The following MMP16 variants were observed in gnomAD, a reference collection of about 807,000 sequenced individuals.
The protein encoded by MMP16 is matrix metalloproteinase-16.
A neutral mutation model predicts 67.8 loss-of-function variants in MMP16; 12 were observed. The ratio of observed to expected loss-of-function variants is 0.18; its 90% confidence interval spans 0.11 to 0.29. The LOEUF (loss-of-function observed/expected upper bound fraction) is 0.29. Ranked by LOEUF, MMP16 falls within the 10% of genes least tolerant of loss-of-function variation. The pLI is 1.00. For synonymous variants in MMP16, 249 were observed against 255.9 expected, an observed-to-expected ratio of 0.97 and a Z score of 0.26; for missense variants, 475 against 765.7, an observed-to-expected ratio of 0.62 and a Z score of 4.48.
chr8:88,077,751 CCT>C (rs1808675092), intron 6 of MMP16, among the ~76,000 whole-genome samples: 1 of 152,012 alleles, frequency 6.6e-6, no homozygotes, highest in African/African-American at 2.4e-5. Context: ...AGTTTTTTTC[CCT>C]GTTGTAGTTA....
chr8:88,171,401 A>G (rs568682867), intron 3 of MMP16, among the ~76,000 whole-genome samples: 104 of 152,322 alleles, frequency 6.8e-4, no homozygotes, highest in African/African-American at 2.3e-3. Context: ...CCTAGGTTGA[A>G]TCTGGGAAGT....
At chr8:88,101,156 C>T (rs1002081871) in intron 6 of MMP16, among the ~76,000 whole-genome samples, 1 of 151,740 alleles carries the variant, frequency 6.6e-6, no homozygotes, top group Admixed American at 6.6e-5. Flanking sequence ...AAAAAAGATT[C>T]TCATTATACA....
At chr8:88,180,433 G>A (rs1026150572) in intron 3 of MMP16, among the ~76,000 whole-genome samples, 3 of 151,888 alleles carry the variant, frequency 2.0e-5, no homozygotes, top group Non-Finnish European at 4.4e-5. Context: ...AATTAAAAGT[G>A]AAGGTATGGA....
intron 4 of MMP16, among the ~76,000 whole-genome samples, chr8:88,123,346 G>C (rs1057479293): frequency 2.0e-5 from 3 of 151,968 alleles, no homozygotes; most frequent in South Asian, 2.1e-4. Flanking sequence ...CTCTTGGTCT[G>C]AAGGAACGTC....
intron 6 of MMP16, among the ~76,000 whole-genome samples, chr8:88,108,965 T>C (rs1809288487): frequency 6.6e-6 from 1 of 151,318 alleles, no homozygotes; most frequent in African/African-American, 2.4e-5. Context: ...ATCCACTTAA[T>C]TGAGAAATGA....
chr8:88,087,696 C>A (rs948417186), intron 6 of MMP16, among the ~76,000 whole-genome samples: 1 of 151,668 alleles, frequency 6.6e-6, no homozygotes, highest in African/African-American at 2.4e-5. Context: ...GTAATTCCAG[C>A]ACTTTGGGAG....
rs1808070456 is a variant in MMP16 at position 88,037,530 on chromosome 8, G to A, written c.*3931C>T. Reference sequence around the variant, plus strand: ...TGCCCTCTGATTTATAACAGAAGTTGTCTTTGCTAGTATCACATAATGCTG... The same window carrying A: ...TGCCCTCTGATTTATAACAGAAGTTATCTTTGCTAGTATCACATAATGCTG... On this transcript the variant is annotated 3_prime_UTR_variant, in exon 10 of 10. Transcript: ENST00000286614. The A allele has an allele frequency of 6.6e-6, 1 of 151,840 alleles. No homozygotes were observed. Among genetic ancestry groups the A allele is most frequent in the African/African-American group, 2.4e-5 (1 of 41,392 alleles). The allele number at this position is 151,840 out of a possible 1,614,324, so 9.4% of individuals were successfully genotyped here.
At chr8:88,051,701 T>A (rs1032701727) in intron 8 of MMP16, among the ~76,000 whole-genome samples, 1 of 152,198 alleles carries the variant, frequency 6.6e-6, no homozygotes, top group African/African-American at 2.4e-5. Flanking sequence ...ATTTGACTGT[T>A]AGTGACGATA....
Position 88,090,249 on chromosome 8 carries a change from A to C in MMP16, c.1084-15506T>G, listed in dbSNP as rs148988813. The stretch of plus-strand genomic sequence containing the variant: ...TTTATAAACATCATGAATATAGATG[A>C]ATCTTACTTTATGCCACACATCTAG... On this transcript the variant is annotated intron_variant, in intron 6 of 9. Transcript: ENST00000286614. Among the ~76,000 whole-genome samples the C allele has an allele frequency of 1.6e-4, 24 of 152,090 alleles. 1 individual carries two copies. Among genetic ancestry groups the C allele is most frequent in the African/African-American group, 5.8e-4 (24 of 41,552 alleles).
chr8:88,127,630 T>C (rs895385047), intron 4 of MMP16, among the ~76,000 whole-genome samples: 5 of 151,782 alleles, frequency 3.3e-5, no homozygotes, highest in Non-Finnish European at 5.9e-5. Flanking sequence ...AAACTTAACA[T>C]GGATTTTGAT....
intron 1 of MMP16, among the ~76,000 whole-genome samples, chr8:88,213,248 T>C (rs977935101): frequency 6.6e-6 from 1 of 152,180 alleles, no homozygotes; most frequent in Admixed American, 6.6e-5. Context: ...TACTCATCTG[T>C]GTTTAACTTA....
chr8:88,316,194 A>G (rs1051424785), intron 1 of MMP16, among the ~76,000 whole-genome samples: 7 of 152,230 alleles, frequency 4.6e-5, no homozygotes, highest in African/African-American at 1.4e-4. Flanking sequence ...GTGCTGATGA[A>G]GAAACTGCAG....
At chr8:88,186,627 GCAGTATTTTCCAGTTATTTACTAA>G (rs750658480) in intron 2 of MMP16, 29 bp from the exon 3 acceptor site, 4 of 1,090,694 alleles carry the variant, frequency 3.7e-6, no homozygotes, top group Non-Finnish European at 5.1e-6. Context: ...AAAAAAAAAA[GCAGTATTTTCCAGTTATTTACTAA>G]CAACCCTAAT....
At chr8:88,134,064 C>T (rs1383425537) in intron 4 of MMP16, among the ~76,000 whole-genome samples, 1 of 151,706 alleles carries the variant, frequency 6.6e-6, no homozygotes, top group Non-Finnish European at 1.5e-5. Flanking sequence ...AAGGAAGACA[C>T]TCCTGTAGAG....
At chr8:88,198,623 G>T in intron 1 of MMP16, among the ~76,000 whole-genome samples, 1 of 151,996 alleles carries the variant, frequency 6.6e-6, no homozygotes, top group East Asian at 1.9e-4. Context: ...GTCTTAAAAT[G>T]TGAAACACAA....
intron 1 of MMP16, among the ~76,000 whole-genome samples, chr8:88,242,792 G>C (rs1810053137): frequency 6.6e-6 from 1 of 152,152 alleles, no homozygotes; most frequent in African/African-American, 2.4e-5. Context: ...AAAATACTGT[G>C]ACTGGAAAAT....
intron 4 of MMP16, among the ~76,000 whole-genome samples, chr8:88,140,315 A>G (rs1299243983): frequency 6.6e-6 from 1 of 152,190 alleles, no homozygotes; most frequent in African/African-American, 2.4e-5. Context: ...AGAGTAAGAG[A>G]GGGAGAGACA....
chr8:88,076,056 T>C (rs1343450543), intron 6 of MMP16, among the ~76,000 whole-genome samples: 1 of 151,958 alleles, frequency 6.6e-6, no homozygotes, highest in Non-Finnish European at 1.5e-5. Context: ...GAATATGAAC[T>C]GTCTTAAGAG....
intron 3 of MMP16, among the ~76,000 whole-genome samples, chr8:88,171,262 A>G (rs1808798176): frequency 6.6e-6 from 1 of 152,218 alleles, no homozygotes; most frequent in Non-Finnish European, 1.5e-5. Context: ...AGTAAATACA[A>G]GATACCTGTA....
Sources: allele counts gnomAD v4.1 joint callset (sites outside exome capture counted in the v4.1 genomes callset), GRCh38; gene constraint gnomAD v4.1.1; transcripts MANE v1.5; gene names NCBI Gene and HGNC (gene_info 2026-07-23, HGNC 2026-07-21).